CSMD1: variants seen among roughly 807,000 people sequenced by gnomAD.
CSMD1 encodes the protein CUB and Sushi multiple domains 1.
CSMD1 carries 213 observed loss-of-function variants against 417.5 expected under a neutral mutation model. The observed-to-expected ratio is 0.51, with a 90% CI of 0.46 to 0.57. CSMD1 has a LOEUF of 0.57. Ranked by LOEUF, CSMD1 falls within the 20% of genes least tolerant of loss-of-function variation. CSMD1 has a pLI of 0.00. For synonymous variants in CSMD1, 2,862 were observed against 1,736.8 expected (o/e 1.65, Z -16.11); for missense variants, 6,923 against 4,529.7 (o/e 1.53, Z -15.17).
intron 1 of CSMD1, among the ~76,000 whole-genome samples, chr8:4,985,967 C>A (rs947052004): frequency 6.6e-5 from 10 of 152,138 alleles, no homozygotes; most frequent in Admixed American, 5.2e-4. Context: ...AAATGTGACT[C>A]TTCTTAGTTT....
chr8:4,987,326 C>G (rs1359721673), intron 1 of CSMD1, among the ~76,000 whole-genome samples: 1 of 152,178 alleles, frequency 6.6e-6, no homozygotes, highest in Non-Finnish European at 1.5e-5. Flanking sequence ...CCCACCCTGA[C>G]TTTGACAGCT....
chr8:3,663,694 C>A (rs1035163795), intron 7 of CSMD1, among the ~76,000 whole-genome samples: 1 of 152,204 alleles, frequency 6.6e-6, no homozygotes, highest in Non-Finnish European at 1.5e-5. Flanking sequence ...GAAACCCCTT[C>A]TCTGCTTCCA....
At chr8:4,168,146 TACACACACACACAC>T (rs34184056) in intron 3 of CSMD1, among the ~76,000 whole-genome samples, 2 of 149,388 alleles carry the variant, frequency 1.3e-5, no homozygotes, top group African/African-American at 2.5e-5. Context: ...AAAAAAAATA[TACACACACACACAC>T]ACACACACAC....
chr8:3,895,725 T>C (rs566043644), intron 5 of CSMD1, among the ~76,000 whole-genome samples: 5 of 152,344 alleles, frequency 3.3e-5, no homozygotes, highest in African/African-American at 1.2e-4. Context: ...TATTTGCTTG[T>C]TCTTTCACTT....
At chr8:4,765,390 T>C (rs1258791298) in intron 1 of CSMD1, among the ~76,000 whole-genome samples, 4 of 152,220 alleles carry the variant, frequency 2.6e-5, no homozygotes, top group African/African-American at 4.8e-5. Flanking sequence ...TGTCAGATAA[T>C]ACATTGAGGA....
chr8:4,631,862 AG>A (rs1361123963), intron 2 of CSMD1, among the ~76,000 whole-genome samples: 1 of 152,202 alleles, frequency 6.6e-6, no homozygotes, highest in Non-Finnish European at 1.5e-5. Flanking sequence ...CTATTTCCCT[AG>A]GCCTTGTATT....
intron 1 of CSMD1, among the ~76,000 whole-genome samples, chr8:4,749,393 A>G (rs1355071654): frequency 6.6e-6 from 1 of 152,238 alleles, no homozygotes; most frequent in Non-Finnish European, 1.5e-5. Context: ...TTGATAGTGT[A>G]AACACTTCAT....
intron 3 of CSMD1, among the ~76,000 whole-genome samples, chr8:4,188,889 G>C (rs1456235820): frequency 1.3e-5 from 2 of 152,012 alleles, no homozygotes; most frequent in African/African-American, 2.4e-5. Flanking sequence ...GGATCTGCCT[G>C]ATGAAACACA....
chr8:3,192,513 C>G (rs1227816352), intron 33 of CSMD1, among the ~76,000 whole-genome samples: 2 of 152,156 alleles, frequency 1.3e-5, no homozygotes, highest in African/African-American at 2.4e-5. Flanking sequence ...GGTTTGGCTA[C>G]TACTCAATTG....
At chr8:3,762,146 G>A (rs1048549318) in intron 5 of CSMD1, among the ~76,000 whole-genome samples, 5 of 151,796 alleles carry the variant, frequency 3.3e-5, no homozygotes, top group Non-Finnish European at 5.9e-5. Flanking sequence ...GGTGCACATC[G>A]CCCCCATCCC....
At chr8:3,968,659 C>A (rs2049307) in intron 5 of CSMD1, among the ~76,000 whole-genome samples, 66 of 152,124 alleles carry the variant, frequency 4.3e-4, no homozygotes, top group African/African-American at 1.5e-3. Context: ...TGTCCTAAAT[C>A]CCGAAAGCTG....
At chr8:4,874,209 A>G (rs1802906848) in intron 1 of CSMD1, among the ~76,000 whole-genome samples, 1 of 152,108 alleles carries the variant, frequency 6.6e-6, no homozygotes, top group Non-Finnish European at 1.5e-5. Context: ...GATTAATAAG[A>G]TCAAGAAAGC....
chr8:3,873,284 C>G (rs969333689), intron 5 of CSMD1, among the ~76,000 whole-genome samples: 4 of 151,952 alleles, frequency 2.6e-5, no homozygotes, highest in Non-Finnish European at 5.9e-5. Flanking sequence ...TTCACAATAG[C>G]AAAGACATGG....
intron 1 of CSMD1, among the ~76,000 whole-genome samples, chr8:4,758,222 T>A (rs1811797062): frequency 6.6e-6 from 1 of 152,124 alleles, no homozygotes; most frequent in African/African-American, 2.4e-5. Context: ...GTTCCTGTCT[T>A]TATCTGGGTA....
chr8:4,163,658 G>C (rs772139079), intron 3 of CSMD1, among the ~76,000 whole-genome samples: 16 of 151,970 alleles, frequency 1.1e-4, no homozygotes, highest in Non-Finnish European at 1.0e-4. Flanking sequence ...TAAAATTCAA[G>C]GAAATAATTT....
intron 6 of CSMD1, among the ~76,000 whole-genome samples, chr8:3,747,081 T>G (rs1212864799): frequency 1.3e-5 from 2 of 152,188 alleles, no homozygotes; most frequent in Non-Finnish European, 2.9e-5. Context: ...TGTTAAGTAG[T>G]GGGAGCAGTA....
At chr8:3,013,340 T>C (rs931866839) in intron 52 of CSMD1, among the ~76,000 whole-genome samples, 1 of 152,216 alleles carries the variant, frequency 6.6e-6, no homozygotes, top group Non-Finnish European at 1.5e-5. Context: ...GGGCTGGCAC[T>C]GATATGGAAA....
At chr8:3,640,509 A>G (rs945998058) in intron 7 of CSMD1, among the ~76,000 whole-genome samples, 13 of 152,218 alleles carry the variant, frequency 8.5e-5, no homozygotes, top group Admixed American at 2.6e-4. Context: ...AAAATTGTGT[A>G]GGTTATCTCA....
At chr8:3,814,127 C>G (rs182608163) in intron 5 of CSMD1, among the ~76,000 whole-genome samples, 2 of 152,180 alleles carry the variant, frequency 1.3e-5, no homozygotes, top group Non-Finnish European at 2.9e-5. Context: ...TTTGCAATAA[C>G]GTACCAGCTC....
Sources: gnomAD v4.1 joint callset for allele counts (sites outside exome capture counted in the v4.1 genomes callset) on GRCh38, gnomAD v4.1.1 for gene constraint, MANE v1.5 for transcripts, NCBI Gene and HGNC (gene_info 2026-07-23, HGNC 2026-07-21) for gene names.